Variants in BCKDHB observed in about 807,000 individuals in gnomAD.
BCKDHB encodes 2-oxoisovalerate dehydrogenase subunit beta, mitochondrial.
In BCKDHB, 41 loss-of-function variants were observed where a neutral mutation model predicts 48.5. That is an observed-to-expected ratio of 0.85 (90% CI 0.66 to 1.10). BCKDHB has a LOEUF of 1.10. Among genes scored for constraint, BCKDHB ranks in the 50% least tolerant of loss-of-function variants. BCKDHB has a pLI of 0.00. For synonymous variants in BCKDHB, 201 were observed against 174.8 expected (o/e 1.15, Z -1.18); for missense variants, 496 against 494.2 (o/e 1.00, Z -0.03).
At chr6:80,235,503 A>G (rs1173482395) in intron 8 of BCKDHB, among the ~76,000 whole-genome samples, 3 of 152,176 alleles carry the variant, frequency 2.0e-5, no homozygotes, top group Non-Finnish European at 4.4e-5. Flanking sequence ...TCCCAGAATA[A>G]TATCTTCTAC....
chr6:80,150,739 T>C (rs1353082280), intron 3 of BCKDHB, among the ~76,000 whole-genome samples: 1 of 152,002 alleles, frequency 6.6e-6, no homozygotes, highest in Non-Finnish European at 1.5e-5. Context: ...GTATTTTTAG[T>C]AGAGATGGAG....
the BCKDHB span, among the ~76,000 whole-genome samples, chr6:80,386,310 C>A: frequency 2.0e-5 from 3 of 151,774 alleles, no homozygotes; most frequent in Non-Finnish European, 4.4e-5. Flanking sequence ...ATGAAATCAA[C>A]CTAAGTGCCC....
intron 8 of BCKDHB, among the ~76,000 whole-genome samples, chr6:80,266,095 A>G (rs954098641): frequency 3.9e-5 from 6 of 152,102 alleles, no homozygotes; most frequent in Non-Finnish European, 8.8e-5. Context: ...TTGTGTCTCA[A>G]AAGTACAACT....
At chr6:80,466,089 G>A in the BCKDHB span, among the ~76,000 whole-genome samples, 1 of 152,266 alleles carries the variant, frequency 6.6e-6, no homozygotes, top group Non-Finnish European at 1.5e-5. Context: ...TGATGTCTTG[G>A]ACCTTCAGTC....
the BCKDHB span, among the ~76,000 whole-genome samples, chr6:80,390,841 T>A: frequency 6.6e-6 from 1 of 152,158 alleles, no homozygotes; most frequent in Non-Finnish European, 1.5e-5. Flanking sequence ...TCTATGAGGG[T>A]GTTGCCAAAG....
chr6:80,136,336 A>G (rs987765606), intron 3 of BCKDHB, among the ~76,000 whole-genome samples: 6 of 152,182 alleles, frequency 3.9e-5, no homozygotes, highest in South Asian at 2.1e-4. Flanking sequence ...ATTTTTGACA[A>G]TGATGCCAAT....
At chr6:80,169,231 T>A (rs1387270538) in intron 5 of BCKDHB, among the ~76,000 whole-genome samples, 1 of 152,218 alleles carries the variant, frequency 6.6e-6, no homozygotes, top group Non-Finnish European at 1.5e-5. Context: ...GCAAGTTCTT[T>A]TTGAAGGAGG....
In BCKDHB at chr6:80,110,874, G is replaced by A. The variant is rs1483456063; in HGVS notation, c.196+3985G>A. On this transcript the variant is annotated intron_variant, in intron 1 of 9. Transcript: ENST00000320393. ...GGGTCTTTAAGCTGTATTTTGGCTGGCACTGCTGTTTTAGCCTTCCTTGGT... is the reference window on the plus strand; with the variant it reads ...GGGTCTTTAAGCTGTATTTTGGCTGACACTGCTGTTTTAGCCTTCCTTGGT... 2.6e-5 allele frequency among the ~76,000 whole-genome samples: 4 copies of A among 152,304 alleles called. No individual in the cohort carries two copies. The East Asian group carries it at 7.7e-4, about 29-fold the overall frequency.
At chr6:80,396,966 G>A in the BCKDHB span, among the ~76,000 whole-genome samples, 1 of 152,090 alleles carries the variant, frequency 6.6e-6, no homozygotes, top group Admixed American at 6.6e-5. Flanking sequence ...AGAGGAAAAG[G>A]GGGCCCAAGT....
rs141146473 is a variant in BCKDHB, at chr6:80,242,568, T to TAC, written c.952-30551_952-30550dup. 3.2e-3 allele frequency among the ~76,000 whole-genome samples: 478 copies of TAC among 150,712 alleles called. 3 individuals carry two copies. The highest frequency in any genetic ancestry group is 9.9e-3 in the African/African-American group (407 of 41,192). On this transcript the variant is annotated intron_variant, in intron 8 of 9. Coordinates refer to ENST00000320393, the MANE Select transcript of BCKDHB (RefSeq NM_183050.4). Reference sequence around the variant, plus strand: ...ACACACACACATACACATACACATGTACACACACACACACACAGTTCACAT... The same window carrying TAC: ...ACACACACACATACACATACACATGTACACACACACACACACACAGTTCACAT...
chr6:80,348,708 A>G (rs181674457), downstream of BCKDHB, among the ~76,000 whole-genome samples: 142 of 152,326 alleles, frequency 9.3e-4, no homozygotes, highest in Non-Finnish European at 1.5e-3. Flanking sequence ...CACACAGACT[A>G]TGTTACTTTT....
intron 1 of BCKDHB, among the ~76,000 whole-genome samples, chr6:80,107,383 T>G (rs1769139132): frequency 6.9e-6 from 1 of 145,382 alleles, no homozygotes; most frequent in Non-Finnish European, 1.5e-5. Flanking sequence ...ATTCAGTTAC[T>G]CAGTCCCTTG....
intron 8 of BCKDHB, among the ~76,000 whole-genome samples, chr6:80,246,897 C>T (rs909874984): frequency 1.1e-4 from 16 of 152,186 alleles, no homozygotes; most frequent in African/African-American, 3.1e-4. Flanking sequence ...CCCTCTCCCC[C>T]AACATACAGA....
intron 3 of BCKDHB, among the ~76,000 whole-genome samples, chr6:80,162,746 G>C (rs893674171): frequency 1.3e-5 from 2 of 152,102 alleles, no homozygotes; most frequent in African/African-American, 4.8e-5. Context: ...AGCTACTCGG[G>C]AGGCTGAGGA....
the BCKDHB span, among the ~76,000 whole-genome samples, chr6:80,446,470 G>T: frequency 6.6e-6 from 1 of 152,170 alleles, no homozygotes; most frequent in Non-Finnish European, 1.5e-5. Flanking sequence ...GCTCCACTTA[G>T]GAGAACTGCT....
At chr6:80,252,008 A>G (rs1482921300) in intron 8 of BCKDHB, among the ~76,000 whole-genome samples, 1 of 152,228 alleles carries the variant, frequency 6.6e-6, no homozygotes, top group Non-Finnish European at 1.5e-5. Flanking sequence ...GCACTATAGC[A>G]TGCTTACTGT....
chr6:80,386,215 T>C, the BCKDHB span, among the ~76,000 whole-genome samples: 1 of 151,580 alleles, frequency 6.6e-6, no homozygotes, highest in Non-Finnish European at 1.5e-5. Context: ...AGATGTCAGA[T>C]CTAATGGTGG....
Position 80,127,500 on chromosome 6 carries a change from TA to T in BCKDHB, c.197-46del, listed in dbSNP as rs147650695. On this transcript the variant is annotated intron_variant, in intron 1 of 9. Transcript: ENST00000320393. ...TAACTGTTAAGAAACTGGTTGTTTT[TA>T]TGTATTTTACAACACACGAAATGAT... 2.5e-3 allele frequency: 3,749 copies of T among 1,487,238 alleles called. 77 individuals are homozygous for T. In the African/African-American group the frequency reaches 0.045, roughly 18 times the overall value. 92.1% of individuals were successfully genotyped at this position (1,487,238 alleles called of 1,614,324 possible).
chr6:80,382,051 G>T, the BCKDHB span, among the ~76,000 whole-genome samples: 1 of 152,140 alleles, frequency 6.6e-6, no homozygotes, highest in Non-Finnish European at 1.5e-5. Flanking sequence ...ATACATTGAT[G>T]TTGATGATAA....
Sources: allele counts gnomAD v4.1 joint callset (sites outside exome capture counted in the v4.1 genomes callset), GRCh38; gene constraint gnomAD v4.1.1; transcripts MANE v1.5; gene names NCBI Gene and HGNC (gene_info 2026-07-23, HGNC 2026-07-21).